TRPC1: variants seen among roughly 807,000 people sequenced by gnomAD.
The protein encoded by TRPC1 is transient receptor potential cation channel subfamily C member 1.
In TRPC1, 42 loss-of-function variants were observed where a neutral mutation model predicts 88.2. The ratio of observed to expected loss-of-function variants is 0.48; its 90% CI spans 0.37 to 0.62. The LOEUF (loss-of-function observed/expected upper bound fraction) is 0.62, where lower values mean the gene tolerates loss of function less well. Ranked by LOEUF, TRPC1 falls within the 20% of genes least tolerant of loss-of-function variation. The pLI, the probability that TRPC1 is intolerant of heterozygous loss-of-function variation, is 0.00. For synonymous variants in TRPC1, 288 were observed against 331.8 expected, an observed-to-expected ratio of 0.87 and a Z score of 1.43; for missense variants, 699 against 957.3, an observed-to-expected ratio of 0.73 and a Z score of 3.56.
At chr3:142,771,422 C>T (rs375635928) in intron 4 of TRPC1, among the ~76,000 whole-genome samples, 3 of 152,100 alleles carry the variant, frequency 2.0e-5, no homozygotes, top group Non-Finnish European at 2.9e-5. Flanking sequence ...GCAGTCCCCC[C>T]GCCAGCCTTC....
chr3:142,762,001 A>G (rs1162419439), intron 4 of TRPC1, among the ~76,000 whole-genome samples: 1 of 151,930 alleles, frequency 6.6e-6, no homozygotes, highest in Non-Finnish European at 1.5e-5. Context: ...ATCTTTTCAA[A>G]AAATCAGTTT....
intron 3 of TRPC1, among the ~76,000 whole-genome samples, chr3:142,744,649 TA>T (rs2108038052): frequency 6.6e-6 from 1 of 152,270 alleles, no homozygotes; most frequent in Admixed American, 6.5e-5. Flanking sequence ...TTACCACGGT[TA>T]AAAATATGCG....
chr3:142,726,952 T>C (rs1933698472), intron 1 of TRPC1, among the ~76,000 whole-genome samples: 2 of 152,332 alleles, frequency 1.3e-5, no homozygotes, highest in South Asian at 4.1e-4. Flanking sequence ...AAAATGAGGC[T>C]TAGCAAAATT....
chr3:142,735,295 CACTT>C, intron 1 of TRPC1, among the ~76,000 whole-genome samples: 1 of 152,256 alleles, frequency 6.6e-6, no homozygotes, highest in Non-Finnish European at 1.5e-5. Context: ...CTTTCTTACT[CACTT>C]ATTTAGCCCA....
At chr3:142,780,389 G>C (rs916416107) in intron 5 of TRPC1, among the ~76,000 whole-genome samples, 3 of 152,110 alleles carry the variant, frequency 2.0e-5, no homozygotes, top group African/African-American at 7.2e-5. Flanking sequence ...ACATATTGTA[G>C]ATGACTATTG....
intron 4 of TRPC1, among the ~76,000 whole-genome samples, chr3:142,750,222 G>GA (rs1003801284): frequency 1.3e-5 from 2 of 151,494 alleles, no homozygotes; most frequent in Non-Finnish European, 3.0e-5. Flanking sequence ...AAATTTATGA[G>GA]AAAAAAACAA....
rs116532255 is a variant in TRPC1 at position 142,770,779 on chromosome 3, G to A, written c.633-6853G>A. Among the ~76,000 whole-genome samples, 475 of 152,132 alleles carry A rather than the reference G, an allele frequency of 3.1e-3. 1 individual carries two copies. Among genetic ancestry groups the A allele is most frequent in the Non-Finnish European group, 5.4e-3 (368 of 68,008 alleles). ...TTTGTTTCTCTGTTTCTTCATTAGT[G>A]CTGTCTTTTGCATTGAGTATATTTT... On this transcript the variant is annotated intron_variant, in intron 4 of 12. Coordinates refer to ENST00000476941, the MANE Select transcript of TRPC1 (RefSeq NM_001251845.2).
At chr3:142,760,144 C>A (rs1422195349) in intron 4 of TRPC1, among the ~76,000 whole-genome samples, 1 of 152,058 alleles carries the variant, frequency 6.6e-6, no homozygotes, top group Non-Finnish European at 1.5e-5. Flanking sequence ...GCTTTTGAGG[C>A]CTTACACACA....
In TRPC1 at chr3:142,804,462, T is replaced by C. The variant is rs1936721539; in HGVS notation, c.1986T>C (p.Phe662=). 1 of 1,611,184 alleles carries C rather than the reference T, an allele frequency of 6.2e-7. No homozygotes were observed. The highest frequency in any genetic ancestry group is 1.7e-5 in the Admixed American group (1 of 59,390). The change falls in exon 12 of 13, where the codon TTT becomes TTC. Residue 662 remains phenylalanine, a synonymous_variant. Coordinates refer to ENST00000476941, the MANE Select transcript of TRPC1 (RefSeq NM_001251845.2). ...ATCATGAAGACAAAGAATGGAAGTTTGCTCGAGCAAAATTATGGCTTAGCT... is the reference window on the plus strand; with the variant it reads ...ATCATGAAGACAAAGAATGGAAGTTCGCTCGAGCAAAATTATGGCTTAGCT... ...IANHEDKEWK[F]ARAKLWLSYF...
intron 9 of TRPC1, among the ~76,000 whole-genome samples, chr3:142,797,001 C>CTGTT (rs559856389): frequency 2.6e-4 from 40 of 152,162 alleles, no homozygotes; most frequent in African/African-American, 8.4e-4. Flanking sequence ...TCGAGTGGAC[C>CTGTT]TGTTTGCCCT....
chr3:142,770,073 T>C (rs971606628), intron 4 of TRPC1, among the ~76,000 whole-genome samples: 1 of 151,262 alleles, frequency 6.6e-6, no homozygotes, highest in Non-Finnish European at 1.5e-5. Flanking sequence ...TGTATATATA[T>C]TTATAGATGT....
intron 4 of TRPC1, among the ~76,000 whole-genome samples, chr3:142,768,840 T>A (rs1397462937): frequency 6.6e-6 from 1 of 152,128 alleles, no homozygotes; most frequent in Non-Finnish European, 1.5e-5. Context: ...CTTTCCCATT[T>A]TCTTTGTGCT....
rs1203379509 is a variant in TRPC1, at chr3:142,776,084, C to T, written c.633-1548C>T. Among the ~76,000 whole-genome samples the T allele has an allele frequency of 1.3e-5, 2 of 152,218 alleles. No homozygotes were observed. The highest frequency in any genetic ancestry group is 2.9e-5 in the Non-Finnish European group (2 of 68,042). On this transcript the variant is annotated intron_variant, in intron 4 of 12. Transcript: ENST00000476941. The surrounding 1 kb of genome is among the most constrained non-coding windows in gnomAD (Gnocchi z 4.1). ...TCATTAATGGAGAGCTTATAGACCT[C>T]CGTCCAGTTGTATGAGATGAATCTG... is the stretch of plus-strand genomic sequence containing the variant.
chr3:142,775,863 G>T (rs1032119960), intron 4 of TRPC1, among the ~76,000 whole-genome samples: 1 of 152,162 alleles, frequency 6.6e-6, no homozygotes, highest in African/African-American at 2.4e-5. Context: ...GATTGAAATA[G>T]TAATACCCAG....
chr3:142,791,443 A>T (rs1267979829), intron 8 of TRPC1, among the ~76,000 whole-genome samples: 1 of 152,068 alleles, frequency 6.6e-6, no homozygotes, highest in Non-Finnish European at 1.5e-5. Context: ...TGAAGTCCTT[A>T]TTTCCTTATT....
At chr3:142,795,118 A>C (rs928068582) in intron 9 of TRPC1, among the ~76,000 whole-genome samples, 1 of 152,092 alleles carries the variant, frequency 6.6e-6, no homozygotes, top group Non-Finnish European at 1.5e-5. Flanking sequence ...CCTTGTAGAA[A>C]AACACATTAG....
chr3:142,789,515 C>T (rs1388810880), intron 7 of TRPC1, among the ~76,000 whole-genome samples: 1 of 152,064 alleles, frequency 6.6e-6, no homozygotes. Context: ...ATGTTTTGAA[C>T]AGAGATCTTC....
chr3:142,805,174 AATT>A (rs941963464), intron 12 of TRPC1, among the ~76,000 whole-genome samples: 6 of 150,342 alleles, frequency 4.0e-5, no homozygotes, highest in Admixed American at 1.3e-4. Flanking sequence ...ACACACATAT[AATT>A]ATTAAGAATG....
At chr3:142,765,676 G>A (rs1168722364) in intron 4 of TRPC1, among the ~76,000 whole-genome samples, 3 of 152,096 alleles carry the variant, frequency 2.0e-5, no homozygotes, top group Non-Finnish European at 4.4e-5. Context: ...ACTCAAGGTG[G>A]ATTAAAGTCC....
Sources: allele counts gnomAD v4.1 joint callset (sites outside exome capture counted in the v4.1 genomes callset), GRCh38; gene constraint gnomAD v4.1.1; non-coding constraint Gnocchi (gnomAD v3.1); transcripts MANE v1.5; gene names NCBI Gene and HGNC (gene_info 2026-07-23, HGNC 2026-07-21).